The following NPFFR2 variants were observed in gnomAD, a reference collection of about 807,000 sequenced individuals.
NPFFR2 encodes G-protein coupled receptor 74.
A neutral mutation model predicts 13.1 loss-of-function variants in NPFFR2; 15 were observed. The ratio of observed to expected loss-of-function variants is 1.15; its 90% confidence interval spans 0.77 to 1.76. NPFFR2 has a LOEUF of 1.76. Ranked by LOEUF, NPFFR2 falls within the 40% of genes most tolerant of loss-of-function variation. The pLI, the probability that NPFFR2 is intolerant of heterozygous loss-of-function variation, is 0.00. For missense variants in NPFFR2, 572 were observed against 503.5 expected (o/e 1.14, Z -1.30); for synonymous variants, 190 against 175.7 (o/e 1.08, Z -0.65).
chr4:72,116,092 C>T (rs776045328), intron 1 of NPFFR2, among the ~76,000 whole-genome samples: 14 of 151,972 alleles, frequency 9.2e-5, no homozygotes, highest in Non-Finnish European at 1.9e-4. Context: ...TATGTTTTTC[C>T]ACTGCATATG....
intron 1 of NPFFR2, among the ~76,000 whole-genome samples, chr4:72,116,025 T>C (rs1721702770): frequency 6.6e-6 from 1 of 152,178 alleles, no homozygotes. Flanking sequence ...TACACATTGA[T>C]TTATACATTT....
rs1321563626 is a variant in NPFFR2 at position 72,104,950 on chromosome 4, T to C, written c.-7-23635T>C. On this transcript the variant is annotated intron_variant, in intron 1 of 3. Transcript: ENST00000308744. Reference sequence around the variant, plus strand: ...AATTAACTATAGAAACATATGTACATAAAGAATTGTAAACAACAGTATGAC... The same window carrying C: ...AATTAACTATAGAAACATATGTACACAAAGAATTGTAAACAACAGTATGAC... Among the ~76,000 whole-genome samples the C allele has an allele frequency of 6.2e-5, 9 of 144,700 alleles. No individual in the cohort carries two copies. In the South Asian group the frequency reaches 2.0e-3, roughly 33 times the overall value. 94.9% of individuals were successfully genotyped at this position (144,700 alleles called of 152,430 possible).
intron 1 of NPFFR2, among the ~76,000 whole-genome samples, chr4:72,055,194 AGTT>A (rs754353429): frequency 6.6e-6 from 1 of 151,996 alleles, no homozygotes. Context: ...GCAAATTGAA[AGTT>A]TGTGGTAACC....
chr4:72,054,889 T>C (rs1719696548), intron 1 of NPFFR2, among the ~76,000 whole-genome samples: 1 of 151,752 alleles, frequency 6.6e-6, no homozygotes, highest in Non-Finnish European at 1.5e-5. Flanking sequence ...TAAAAAACAA[T>C]GAGACATCTC....
intron 1 of NPFFR2, among the ~76,000 whole-genome samples, chr4:72,097,399 G>A (rs1721103549): frequency 6.6e-6 from 1 of 151,834 alleles, no homozygotes; most frequent in Admixed American, 6.6e-5. Flanking sequence ...TTCTAGTTCT[G>A]TAGTGATTCT....
At chr4:72,072,484 A>T (rs948049516) in intron 1 of NPFFR2, among the ~76,000 whole-genome samples, 1 of 152,164 alleles carries the variant, frequency 6.6e-6, no homozygotes, top group African/African-American at 2.4e-5. Context: ...AAAATCAGCT[A>T]ACTTGAAGAT....
At chr4:72,081,032 T>A (rs2109792889) in intron 1 of NPFFR2, among the ~76,000 whole-genome samples, 1 of 152,290 alleles carries the variant, frequency 6.6e-6, no homozygotes, top group African/African-American at 2.4e-5. Context: ...TACTCAGATG[T>A]CACTGCCAAC....
intron 1 of NPFFR2, among the ~76,000 whole-genome samples, chr4:72,108,143 C>G (rs745880427): frequency 3.3e-5 from 5 of 151,952 alleles, no homozygotes; most frequent in Non-Finnish European, 7.4e-5. Context: ...GTGTTATATA[C>G]CACAGCAGAG....
chr4:72,047,713 G>A (rs1236440697), intron 1 of NPFFR2, among the ~76,000 whole-genome samples: 1 of 152,100 alleles, frequency 6.6e-6, no homozygotes, highest in Non-Finnish European at 1.5e-5. Flanking sequence ...TCCTAAATGA[G>A]TAATGAATGA....
chr4:72,118,239 G>C (rs772695239), intron 1 of NPFFR2, among the ~76,000 whole-genome samples: 1 of 152,072 alleles, frequency 6.6e-6, no homozygotes, highest in Non-Finnish European at 1.5e-5. Context: ...AGTTAATTTG[G>C]TCATTGCTTC....
At chr4:72,121,298 G>A in intron 1 of NPFFR2, among the ~76,000 whole-genome samples, 1 of 152,128 alleles carries the variant, frequency 6.6e-6, no homozygotes, top group East Asian at 1.9e-4. Flanking sequence ...AAGTGACAGG[G>A]AGAATAGAAC....
At chr4:72,098,295 A>G (rs1479144355) in intron 1 of NPFFR2, among the ~76,000 whole-genome samples, 8 of 152,198 alleles carry the variant, frequency 5.3e-5, no homozygotes, top group African/African-American at 1.9e-4. Flanking sequence ...ATATGTAAAA[A>G]GAGATAAAAT....
Position 72,084,458 on chromosome 4 carries a change from C to T in NPFFR2, c.-7-44127C>T, listed in dbSNP as rs147510809. ...GGAACTTAGAAGTTGAGACTTTCCTCAAGGAATTTGAACAATAAAATGACT... is the reference window on the plus strand; with the variant it reads ...GGAACTTAGAAGTTGAGACTTTCCTTAAGGAATTTGAACAATAAAATGACT... On this transcript the variant is annotated intron_variant, in intron 1 of 3. Coordinates refer to ENST00000308744, the MANE Select transcript of NPFFR2 (RefSeq NM_004885.3). 1.8e-3 allele frequency among the ~76,000 whole-genome samples: 273 copies of T among 152,210 alleles called. 1 individual carries two copies. The highest frequency in any genetic ancestry group is 3.6e-3 in the African/African-American group (151 of 41,526).
intron 1 of NPFFR2, among the ~76,000 whole-genome samples, chr4:72,037,403 GAAA>G (rs11309179): frequency 1.2e-4 from 16 of 130,184 alleles, no homozygotes; most frequent in Non-Finnish European, 1.6e-4. Flanking sequence ...GATCTTGTTT[GAAA>G]AAAAAAAAAA....
chr4:72,099,527 G>C (rs1254689409), intron 1 of NPFFR2, among the ~76,000 whole-genome samples: 1 of 152,054 alleles, frequency 6.6e-6, no homozygotes, highest in Non-Finnish European at 1.5e-5. Context: ...ACTCATGGTG[G>C]AAGGCAAAGC....
At chr4:72,129,032 C>G in intron 2 of NPFFR2, 113 bp downstream of exon 2, 2 of 826,954 alleles carry the variant, frequency 2.4e-6, no homozygotes, top group Non-Finnish European at 3.8e-6. Context: ...TTATGGAATT[C>G]CAGGAACTGA....
rs758827277 is a variant in NPFFR2, at chr4:72,147,065, C to T, written c.516C>T (p.Ile172=). ...TTATGATCATCTGGGTCCTAGCCATCACCATTATGTCTCCATCTGCAGTAA... is the reference window on the plus strand; with the variant it reads ...TTATGATCATCTGGGTCCTAGCCATTACCATTATGTCTCCATCTGCAGTAA... The part of the protein sequence containing the change: ...VIIMIIWVLA[I]TIMSPSAVML... Residue 172 remains isoleucine, a synonymous_variant, in exon 4 of 4, where the codon ATC becomes ATT. Coordinates refer to ENST00000308744, the MANE Select transcript of NPFFR2 (RefSeq NM_004885.3). 4 of 1,614,074 alleles carry T rather than the reference C, an allele frequency of 2.5e-6. No individual in the cohort carries two copies. The highest frequency in any genetic ancestry group is 4.5e-5 in the East Asian group (2 of 44,868).
chr4:72,076,909 A>G (rs1033242214), intron 1 of NPFFR2, among the ~76,000 whole-genome samples: 1 of 152,180 alleles, frequency 6.6e-6, no homozygotes, highest in African/African-American at 2.4e-5. Context: ...ATTACATCTA[A>G]GTGCTTATTC....
At chr4:72,082,040 G>A (rs1720640354) in intron 1 of NPFFR2, among the ~76,000 whole-genome samples, 1 of 152,146 alleles carries the variant, frequency 6.6e-6, no homozygotes, top group Admixed American at 6.5e-5. Flanking sequence ...GTAGCTTTAA[G>A]TAGACCACAT....
Sources: gnomAD v4.1 joint callset for allele counts (sites outside exome capture counted in the v4.1 genomes callset) on GRCh38, gnomAD v4.1.1 for gene constraint, MANE v1.5 for transcripts, NCBI Gene and HGNC (gene_info 2026-07-23, HGNC 2026-07-21) for gene names.